CADM3: variants seen among roughly 807,000 people sequenced by gnomAD.
CADM3 encodes cell adhesion molecule 3, also known as TSLC1-like 1.
Under a neutral mutation model 44.9 loss-of-function variants are expected in CADM3, and 11 were observed. The ratio of observed to expected loss-of-function variants is 0.25; its 90% confidence interval spans 0.15 to 0.41. The LOEUF is 0.41. CADM3 is among the 10% of genes least tolerant of loss of function. The probability of loss-of-function intolerance (pLI) is 1.00; values close to 1 mark genes in which losing one functional copy is unlikely to be tolerated. For missense variants in CADM3, 426 were observed against 512.0 expected, an observed-to-expected ratio of 0.83 and a Z score of 1.62; for synonymous variants, 207 against 205.2, an observed-to-expected ratio of 1.01 and a Z score of -0.08.
In CADM3 at chr1:159,171,723, C is replaced by T; in HGVS notation, c.-43C>T. 1 of 1,216,206 alleles carries T rather than the reference C, an allele frequency of 8.2e-7. No individual in the cohort carries two copies. Among genetic ancestry groups the T allele is most frequent in the African/African-American group, 1.6e-5 (1 of 64,154 alleles). The allele number at this position is 1,216,206 out of a possible 1,614,324, so 75.3% of individuals were successfully genotyped here. On this transcript the variant is annotated 5_prime_UTR_variant, in exon 1 of 9. Transcript: ENST00000368125. Reference sequence around the variant, plus strand: ...TCCCCATCCCCAGCCCCCGGGGATTCAGGCTCGCCAGCGCCCAGCCAGGGA... The same window carrying T: ...TCCCCATCCCCAGCCCCCGGGGATTTAGGCTCGCCAGCGCCCAGCCAGGGA...
intron 1 of CADM3, among the ~76,000 whole-genome samples, chr1:159,172,100 T>G (rs1427578902): frequency 6.6e-6 from 1 of 152,112 alleles, no homozygotes; most frequent in African/African-American, 2.4e-5. Flanking sequence ...GGGGTTTGGC[T>G]CTCGGGGCTG....
intron 5 of CADM3, 169 bp downstream of exon 5, chr1:159,194,209 G>T: frequency 3.2e-6 from 2 of 624,620 alleles, no homozygotes; most frequent in Middle Eastern, 4.2e-4. Context: ...CTTTACAGAG[G>T]GCCCAGTAAT....
chr1:159,189,927 A>G, intron 1 of CADM3: 1 of 1,224,828 alleles, frequency 8.2e-7, no homozygotes, highest in Non-Finnish European at 1.2e-6. Flanking sequence ...ACTCATCCTC[A>G]CATCCTCTCC....
At chr1:159,189,606 G>A (rs1571016604) in intron 1 of CADM3, among the ~76,000 whole-genome samples, 1 of 152,178 alleles carries the variant, frequency 6.6e-6, no homozygotes, top group South Asian at 2.1e-4. Flanking sequence ...CAGAACTCTA[G>A]TTAATTTCGC....
rs1650178984 is a variant in CADM3, at chr1:159,201,100, G to C, written c.*178G>C. 5.5e-6 allele frequency: 2 copies of C among 362,506 alleles called. No homozygotes were observed. The highest frequency in any genetic ancestry group is 9.5e-5 in the Admixed American group (2 of 21,094). 22.5% of individuals were successfully genotyped at this position (362,506 alleles called of 1,614,324 possible). On this transcript the variant is annotated 3_prime_UTR_variant, in exon 9 of 9. Transcript: ENST00000368125. ...GCGGTTTTGTACTCGGTTTGGAATG[G>C]GGAGGGAGGAGGGCGGGGGGAGGGG...
In CADM3 at chr1:159,196,401, T is replaced by A; in HGVS notation, c.729T>A (p.His243Gln). Residue 243 changes from histidine to glutamine, a missense_variant, in exon 6 of 9, where the codon CAT (histidine) becomes CAA (glutamine). This residue lies in a region of CADM3 where 362 missense variants were observed against 474.6 expected (regional missense o/e 0.76). Transcript: ENST00000368125. ...PTAMIRPDPPHPREGQKLLLH... is the reference protein window; with the variant it reads ...PTAMIRPDPPQPREGQKLLLH... Reference sequence around the variant, plus strand: ...CGATGATTAGGCCAGACCCTCCCCATCCTCGTGAGGGCCAGAAGCTGTTGC... The same window carrying A: ...CGATGATTAGGCCAGACCCTCCCCAACCTCGTGAGGGCCAGAAGCTGTTGC... 6.2e-7 allele frequency: 1 copy of A among 1,614,078 alleles called. No individual in the cohort carries two copies. The highest frequency in any genetic ancestry group is 1.7e-5 in the Admixed American group (1 of 60,022).
intron 1 of CADM3, among the ~76,000 whole-genome samples, chr1:159,175,299 G>C (rs1291212144): frequency 6.6e-6 from 1 of 152,216 alleles, no homozygotes; most frequent in Non-Finnish European, 1.5e-5. Flanking sequence ...CCATCACAGA[G>C]ACACTTGCAT....
rs112372015 is a variant in CADM3 at position 159,172,802 on chromosome 1, G to A, written c.88+949G>A. On this transcript the variant is annotated intron_variant, in intron 1 of 8. Transcript: ENST00000368125. ...CGGGGCCAGGGGTGAGGGGACTTGG[G>A]GAAGAGCCCCTCCCGCCCTGGGCCG... 2.1e-3 allele frequency among the ~76,000 whole-genome samples: 318 copies of A among 152,234 alleles called. 2 individuals are homozygous for A. Among genetic ancestry groups the A allele is most frequent in the African/African-American group, 7.2e-3 (300 of 41,536 alleles).
chr1:159,191,824 T>TTGTGTACACAAGGTCTC, intron 1 of CADM3, 112 bp from the exon 2 acceptor site: 1 of 1,261,600 alleles, frequency 7.9e-7, no homozygotes, highest in Non-Finnish European at 1.1e-6. Context: ...CACAGAGACC[T>TTGTGTACACAAGGTCTC]TGTGTACACA....
In CADM3 at chr1:159,180,169, A is replaced by C. The variant is rs545440295; in HGVS notation, c.88+8316A>C. On this transcript the variant is annotated intron_variant, in intron 1 of 8. Transcript: ENST00000368125. ...AATTCTGCTTTGGGGAGAATCTCTG[A>C]GTTTAAGCCATATGGTATTCTGGAA... Among the ~76,000 whole-genome samples the C allele has an allele frequency of 5.9e-5, 9 of 152,178 alleles. No individual in the cohort carries two copies. The East Asian group carries it at 1.5e-3, about 26-fold the overall frequency.
intron 1 of CADM3, among the ~76,000 whole-genome samples, chr1:159,184,679 G>A (rs569751075): frequency 1.3e-5 from 2 of 152,180 alleles, no homozygotes; most frequent in African/African-American, 4.8e-5. Flanking sequence ...CAAGCAATCC[G>A]GGGTTATACT....
Position 159,193,900 on chromosome 1 carries a change from A to G in CADM3, c.551A>G (p.Asn184Ser), listed in dbSNP as rs770392248. 11 of 1,614,126 alleles carry G rather than the reference A, an allele frequency of 6.8e-6. No homozygotes were observed. The highest frequency in any genetic ancestry group is 2.2e-5 in the East Asian group (1 of 44,890). The change falls in exon 5 of 9, where the codon AAT becomes AGT. Residue 184 changes from asparagine (N) to serine (S), a missense_variant. Physicochemically the swap from Asn to Ser is conservative, Grantham distance 46. Coordinates refer to ENST00000368125, the MANE Select transcript of CADM3 (RefSeq NM_001127173.3). ...CCAACCCGCATACAGGAAGATCCCA[A>G]TGGTAAAACCTTCACTGTCAGCAGC... Reference protein sequence around the residue: ...GEPTRIQEDPNGKTFTVSSSV... With the variant: ...GEPTRIQEDPSGKTFTVSSSV...
At chr1:159,200,387 G>A (rs1381739477) in intron 8 of CADM3, among the ~76,000 whole-genome samples, 2 of 151,934 alleles carry the variant, frequency 1.3e-5, no homozygotes, top group Non-Finnish European at 2.9e-5. Context: ...TCTAGCCAGC[G>A]GCCTGACTCC....
chr1:159,193,392 T>G, intron 3 of CADM3, 31 bp from the exon 4 acceptor site: 1 of 1,565,324 alleles, frequency 6.4e-7, no homozygotes, highest in Non-Finnish European at 8.7e-7. Context: ...GGCCTCTCCT[T>G]CCTATCCTGG....
At chr1:159,191,316 G>C (rs1649653847) in intron 1 of CADM3, among the ~76,000 whole-genome samples, 1 of 152,202 alleles carries the variant, frequency 6.6e-6, no homozygotes, top group South Asian at 2.1e-4. Flanking sequence ...CGGGGAATAT[G>C]CTAAGGGCCT....
Position 159,200,992 on chromosome 1 carries a change from C to A in CADM3, c.*70C>A, listed in dbSNP as rs555648182. On this transcript the variant is annotated 3_prime_UTR_variant, in exon 9 of 9. Coordinates refer to ENST00000368125, the MANE Select transcript of CADM3 (RefSeq NM_001127173.3). ...CTGCTGGGGCCGTCACCAACCCGGA[C>A]TTGTACAGAGCAACCGCAGGGCCGC... 10 of 1,175,470 alleles carry A rather than the reference C, an allele frequency of 8.5e-6. No individual in the cohort carries two copies. Among genetic ancestry groups the A allele is most frequent in the Non-Finnish European group, 1.2e-5 (10 of 837,824 alleles). The allele number at this position is 1,175,470 out of a possible 1,614,324, so 72.8% of individuals were successfully genotyped here.
chr1:159,189,209 C>G (rs1168912995), intron 1 of CADM3, among the ~76,000 whole-genome samples: 1 of 152,058 alleles, frequency 6.6e-6, no homozygotes, highest in Admixed American at 6.5e-5. Context: ...TTTGTATGAC[C>G]CTGGGCGAGT....
intron 1 of CADM3, among the ~76,000 whole-genome samples, chr1:159,173,235 T>G (rs915039551): frequency 3.3e-3 from 258 of 77,694 alleles, no homozygotes; most frequent in Middle Eastern, 4.9e-3. Context: ...GGGGCGGGGG[T>G]GGAGAGGGGA....
At chr1:159,174,944 T>C (rs1046789442) in intron 1 of CADM3, among the ~76,000 whole-genome samples, 59 of 152,200 alleles carry the variant, frequency 3.9e-4, no homozygotes, top group Non-Finnish European at 1.5e-4. Context: ...CCTCTCTTTG[T>C]TTCAGATAAG....
Sources: gnomAD v4.1 joint callset for allele counts (sites outside exome capture counted in the v4.1 genomes callset) on GRCh38, gnomAD v4.1.1 for gene constraint, gnomAD v4.1.1 regional missense constraint, MANE v1.5 for transcripts, NCBI Gene and HGNC (gene_info 2026-07-23, HGNC 2026-07-21) for gene names.